Variants in ENGASE observed in about 807,000 individuals in gnomAD.
The protein encoded by ENGASE is cytosolic endo-beta-N-acetylglucosaminidase.
Under a neutral mutation model 78.5 loss-of-function variants are expected in ENGASE, and 69 were observed. That is an observed-to-expected ratio of 0.88 (90% CI 0.72 to 1.07). The LOEUF (loss-of-function observed/expected upper bound fraction) is 1.07. Ranked by LOEUF, ENGASE falls within the 50% of genes least tolerant of loss-of-function variation. The pLI is 0.00. For missense variants in ENGASE, 943 were observed against 988.4 expected, an observed-to-expected ratio of 0.95 and a Z score of 0.62; for synonymous variants, 408 against 408.9, an observed-to-expected ratio of 1.00 and a Z score of 0.03.
intron 3 of ENGASE, among the ~76,000 whole-genome samples, chr17:79,078,570 G>T (rs1000225424): frequency 6.6e-6 from 1 of 152,164 alleles, no homozygotes; most frequent in East Asian, 1.9e-4. Flanking sequence ...GTTCTGGGTC[G>T]CTGGGCTCTG....
Position 79,086,359 on chromosome 17 carries a change from A to G in ENGASE, c.*10A>G. The G allele has an allele frequency of 1.9e-6, 3 of 1,603,912 alleles. No individual in the cohort carries two copies. Among genetic ancestry groups the G allele is most frequent in the Non-Finnish European group, 2.6e-6 (3 of 1,174,020 alleles). On this transcript the variant is annotated 3_prime_UTR_variant, in exon 14 of 14. Transcript: ENST00000579016. ...TTCAGCCCCTGCATGAGCGGATGCTAAGGCCGGGTGGTCTCCTGGCCTCGG... is the reference window on the plus strand; with the variant it reads ...TTCAGCCCCTGCATGAGCGGATGCTGAGGCCGGGTGGTCTCCTGGCCTCGG...
chr17:79,077,936 G>GT, intron 3 of ENGASE, 72 bp downstream of exon 3: 3 of 721,530 alleles, frequency 4.2e-6, no homozygotes, highest in Non-Finnish European at 6.6e-6. Flanking sequence ...GGAGGGGCGG[G>GT]AGAGAGTGCC....
At chr17:79,085,024 C>T (rs367729606) in intron 11 of ENGASE, among the ~76,000 whole-genome samples, 196 of 152,140 alleles carry the variant, frequency 1.3e-3, no homozygotes, top group African/African-American at 4.4e-3. Flanking sequence ...GGCTGGAGGG[C>T]GCCAGGACGA....
chr17:79,081,024 G>A lies in ENGASE; in HGVS notation c.823G>A (p.Val275Met). The part of the protein sequence containing the change: ...GGLVLWYDSV[V>M]QSGQLKWQDE... ...CCTGGTGCTCTGGTATGACAGCGTG[G>A]TGCAAAGTGGGCAGCTCAAATGGCA... is the stretch of plus-strand genomic sequence containing the variant. Residue 275 changes from valine to methionine, a missense_variant, in exon 6 of 14, where the codon GTG (valine) becomes ATG (methionine). Coordinates refer to ENST00000579016, the MANE Select transcript of ENGASE (RefSeq NM_001042573.3). 2 of 1,611,994 alleles carry A rather than the reference G, an allele frequency of 1.2e-6. No homozygotes were observed. Among genetic ancestry groups the A allele is most frequent in the Non-Finnish European group, 1.7e-6 (2 of 1,179,698 alleles).
chr17:79,080,117 A>G, intron 4 of ENGASE, 90 bp from the exon 5 acceptor site: 1 of 1,411,442 alleles, frequency 7.1e-7, no homozygotes, highest in Non-Finnish European at 9.5e-7. Context: ...GTGATACTGA[A>G]GCTGCTGGTT....
rs1040615890 is a variant in ENGASE at position 79,088,092 on chromosome 17, C to T, written c.*1743C>T. ...GTCCTGGGTGGAGGGCAGGTGAACA[C>T]AAGCTGCTGCCGGGGACTGTCCTGG... On this transcript the variant is annotated 3_prime_UTR_variant, in exon 14 of 14. Coordinates refer to ENST00000579016, the MANE Select transcript of ENGASE (RefSeq NM_001042573.3). 2.6e-5 allele frequency: 4 copies of T among 152,148 alleles called. No homozygotes were observed. The highest frequency in any genetic ancestry group is 9.7e-5 in the African/African-American group (4 of 41,336). The allele number at this position is 152,148 out of a possible 1,614,324, so 9.4% of individuals were successfully genotyped here.
At position 79,075,061 on chromosome 17, in the gene ENGASE, G is replaced by C. The variant is rs1342104346; in HGVS notation, c.117G>C (p.Pro39=). 8.3e-7 allele frequency: 1 copy of C among 1,199,508 alleles called. No individual in the cohort carries two copies. The highest frequency in any genetic ancestry group is 3.3e-5 in the East Asian group (1 of 30,118). 74.3% of individuals were successfully genotyped at this position (1,199,508 alleles called of 1,614,324 possible). The change falls in exon 1 of 14, where the codon CCG becomes CCC. Residue 39 remains proline (P), a synonymous_variant. Coordinates refer to ENST00000579016, the MANE Select transcript of ENGASE (RefSeq NM_001042573.3). ...AGGAGGAGCAGGAGGATCAGGAGCC[G>C]CGGCCGCGGCGGCGGCGGCCGGGAA... The part of the protein sequence containing the change: ...GTQEEQEDQE[P]RPRRRRPGRS...
Position 79,088,185 on chromosome 17 carries a change from C to G in ENGASE, c.*1836C>G, listed in dbSNP as rs1347035475. On this transcript the variant is annotated 3_prime_UTR_variant, in exon 14 of 14. Coordinates refer to ENST00000579016, the MANE Select transcript of ENGASE (RefSeq NM_001042573.3). ...TCACTCGACTTTTTTTCAGCTGTGA[C>G]CATTCCCGGGAGCTCTTTGAGCCTT... The G allele has an allele frequency of 6.7e-6, 1 of 148,434 alleles. No individual in the cohort carries two copies. Among genetic ancestry groups the G allele is most frequent in the African/African-American group, 2.4e-5 (1 of 41,130 alleles). The allele number at this position is 148,434 out of a possible 1,614,324, so 9.2% of individuals were successfully genotyped here.
In ENGASE at chr17:79,074,843, C is replaced by T. The variant is rs146890264; in HGVS notation, c.-102C>T. 6,400 of 1,203,472 alleles carry T rather than the reference C, an allele frequency of 5.3e-3. 202 individuals are homozygous for T. The African/African-American group carries it at 0.072, about 14-fold the overall frequency. The allele number at this position is 1,203,472 out of a possible 1,614,324, so 74.5% of individuals were successfully genotyped here. ...CTGGCCGGGAGTCAGCTCGGAGTCC[C>T]GTCCCAGCGCGGCGTCAGCGCTGCG... On this transcript the variant is annotated 5_prime_UTR_variant, in exon 1 of 14. Transcript: ENST00000579016.
chr17:79,084,081 A>G, intron 10 of ENGASE, 130 bp downstream of exon 10: 1 of 789,670 alleles, frequency 1.3e-6, no homozygotes, highest in Non-Finnish European at 2.0e-6. Context: ...GTTTTTTAAA[A>G]TTGTGATCAA....
chr17:79,082,725 A>G, intron 7 of ENGASE: 1 of 1,401,476 alleles, frequency 7.1e-7, no homozygotes, highest in Non-Finnish European at 9.4e-7. Flanking sequence ...TAATCGAATG[A>G]GAGGTGTGCC....
chr17:79,083,918 T>C lies in ENGASE; in HGVS notation c.1409T>C (p.Val470Ala), dbSNP rs2073218453. The change falls in exon 10 of 14, where the codon GTG (valine) becomes GCG (alanine). Residue 470 changes from valine (V) to alanine (A), a missense_variant. Transcript: ENST00000579016. The surrounding 1 kb of genome is among the most constrained non-coding windows in gnomAD (Gnocchi z 4.9). ...HGGSSLLVRG[V>A]IPPEVGNVAV... ...GGCAGCTCCCTGCTCGTCCGGGGTG[T>C]GATCCCACCGGAGGTTGGAAATGTG... 2.5e-6 allele frequency: 4 copies of C among 1,611,020 alleles called. No individual in the cohort carries two copies. Among genetic ancestry groups the C allele is most frequent in the Non-Finnish European group, 3.4e-6 (4 of 1,179,830 alleles).
rs903908760 is a variant in ENGASE at position 79,088,447 on chromosome 17, T to C, written c.*2098T>C. ...ATTAATTAGGAGTAAGGGGGCCTAG[T>C]AGAGCGTGGCGTGTGGCAGAATCGC... On this transcript the variant is annotated 3_prime_UTR_variant, in exon 14 of 14. Coordinates refer to ENST00000579016, the MANE Select transcript of ENGASE (RefSeq NM_001042573.3). The C allele has an allele frequency of 1.3e-5, 2 of 152,228 alleles. No individual in the cohort carries two copies. The highest frequency in any genetic ancestry group is 4.8e-5 in the African/African-American group (2 of 41,460). The allele number at this position is 152,228 out of a possible 1,614,324, so 9.4% of individuals were successfully genotyped here. A position where few individuals can be genotyped will look rare whatever the true frequency, so the allele number is the denominator to read the frequency against.
At chr17:79,077,371 T>C in intron 1 of ENGASE, 59 bp from the exon 2 acceptor site, 2 of 1,493,422 alleles carry the variant, frequency 1.3e-6, no homozygotes, top group South Asian at 1.2e-5. Flanking sequence ...CATTTGCTTC[T>C]AAGTGTTCTT....
chr17:79,077,616 C>A, intron 2 of ENGASE, 47 bp from the exon 3 acceptor site: 1 of 1,607,966 alleles, frequency 6.2e-7, no homozygotes, highest in Non-Finnish European at 8.5e-7. Flanking sequence ...TCGATTAATC[C>A]TATAATAGTT....
intron 12 of ENGASE, 107 bp from the exon 13 acceptor site, chr17:79,085,513 T>G: frequency 2.5e-5 from 37 of 1,493,646 alleles, no homozygotes; most frequent in Middle Eastern, 4.0e-4. Flanking sequence ...GGGTCCCCCA[T>G]GACCCTGGGA....
At chr17:79,081,128 C>T in intron 6 of ENGASE, 55 bp downstream of exon 6, 15 of 330,050 alleles carry the variant, frequency 4.5e-5, no homozygotes, top group Non-Finnish European at 8.2e-5. Flanking sequence ...GGGGCGGGTA[C>T]TGTGAGGGGT....
In ENGASE at chr17:79,083,703, C is replaced by T. The variant is rs567171745; in HGVS notation, c.1252-58C>T. ...GTGGTCTTACCCTTCCCTGCCGCTCCGGGCACCCCTGCTCTGTTGGCCTCT... is the reference window on the plus strand; with the variant it reads ...GTGGTCTTACCCTTCCCTGCCGCTCTGGGCACCCCTGCTCTGTTGGCCTCT... On this transcript the variant is annotated intron_variant, in intron 9 of 13. Transcript: ENST00000579016. The surrounding 1 kb of genome is among the most constrained non-coding windows in gnomAD (Gnocchi z 4.9). The T allele has an allele frequency of 5.1e-5, 80 of 1,572,950 alleles. No individual in the cohort carries two copies. In the East Asian group the frequency reaches 7.4e-4, roughly 15 times the overall value.
intron 7 of ENGASE, chr17:79,082,777 A>G: frequency 6.8e-7 from 1 of 1,471,770 alleles, no homozygotes; most frequent in South Asian, 1.2e-5. Flanking sequence ...GTTGGGGCCC[A>G]GCCCCTGCCC....
Sources: gnomAD v4.1 joint callset for allele counts (sites outside exome capture counted in the v4.1 genomes callset) on GRCh38, gnomAD v4.1.1 for gene constraint, Gnocchi (gnomAD v3.1) non-coding constraint, MANE v1.5 for transcripts, NCBI Gene and HGNC (gene_info 2026-07-23, HGNC 2026-07-21) for gene names.